ADARB2: variants seen among roughly 807,000 people sequenced by gnomAD.
ADARB2 encodes inactive double-stranded RNA-specific editase B2.
Under a neutral mutation model 62.2 loss-of-function variants are expected in ADARB2, and 25 were observed. The observed-to-expected ratio is 0.40, with a 90% confidence interval of 0.29 to 0.56. The LOEUF (loss-of-function observed/expected upper bound fraction) is 0.56, where lower values mean the gene tolerates loss of function less well. ADARB2 is among the 20% of genes least tolerant of loss of function. The pLI, the probability that ADARB2 is intolerant of heterozygous loss-of-function variation, is 0.43. For synonymous variants in ADARB2, 572 were observed against 500.8 expected (o/e 1.14, Z -1.90); for missense variants, 1,071 against 1,077.4 (o/e 0.99, Z 0.08).
In ADARB2 at chr10:1,328,996, TAAA is replaced by T. The variant is rs376461606; in HGVS notation, c.1077+34029_1077+34031del. 8.9e-4 allele frequency among the ~76,000 whole-genome samples: 67 copies of T among 75,670 alleles called. 1 individual carries two copies. The highest frequency in any genetic ancestry group is 3.5e-3 in the African/African-American group (60 of 17,108). The allele number at this position is 75,670 out of a possible 152,430, so 49.6% of individuals were successfully genotyped here. A position where few individuals can be genotyped will look rare whatever the true frequency, so the allele number is the denominator to read the frequency against. ...GGGGTGACAGAACAAGACCCTGTCTTAAAAAAAAAAAAAAAAAAAAAAAAAGCA... is the reference window on the plus strand; with the variant it reads ...GGGGTGACAGAACAAGACCCTGTCTTAAAAAAAAAAAAAAAAAAAAAAGCA... On this transcript the variant is annotated intron_variant, in intron 3 of 9. Coordinates refer to ENST00000381312, the MANE Select transcript of ADARB2 (RefSeq NM_018702.4).
intron 1 of ADARB2, among the ~76,000 whole-genome samples, chr10:1,509,119 G>A (rs1272437067): frequency 6.6e-6 from 1 of 152,240 alleles, no homozygotes; most frequent in African/African-American, 2.4e-5. Context: ...CTTTCACTGC[G>A]TGCCATGCCC....
intron 1 of ADARB2, among the ~76,000 whole-genome samples, chr10:1,632,819 G>T (rs1252546338): frequency 2.6e-5 from 4 of 152,224 alleles, no homozygotes; most frequent in Admixed American, 6.5e-5. Flanking sequence ...CTCATCTTAT[G>T]TGGCAACTTG....
chr10:1,639,798 T>C (rs1462062795), intron 1 of ADARB2, among the ~76,000 whole-genome samples: 4 of 152,120 alleles, frequency 2.6e-5, no homozygotes, highest in East Asian at 1.9e-4. Flanking sequence ...GCGGAGATCA[T>C]GCCACTGCAC....
intron 1 of ADARB2, among the ~76,000 whole-genome samples, chr10:1,488,161 G>C (rs1018246742): frequency 2.7e-5 from 4 of 150,524 alleles, no homozygotes; most frequent in Non-Finnish European, 5.9e-5. Flanking sequence ...TTATAAGCTA[G>C]TGTAGACTTT....
Position 1,509,960 on chromosome 10 carries a change from C to T in ADARB2, c.101-130800G>A, listed in dbSNP as rs566450976. Among the ~76,000 whole-genome samples the T allele has an allele frequency of 6.2e-4, 94 of 152,238 alleles. 1 individual carries two copies. The South Asian group carries it at 0.017, about 27-fold the overall frequency. On this transcript the variant is annotated intron_variant, in intron 1 of 9. Transcript: ENST00000381312. The stretch of plus-strand genomic sequence containing the variant: ...GCTTGCATTGCTTCTGAGGTTCTGA[C>T]GTCTTAAAATCCCATTTGCTTCCCT...
intron 4 of ADARB2, among the ~76,000 whole-genome samples, chr10:1,261,391 C>T (rs12258082): frequency 0.039 from 5,665 of 143,818 alleles, 592 homozygotes; most frequent in African/African-American, 0.15. Context: ...AGAAAATTTT[C>T]GCAACCTACT....
intron 3 of ADARB2, among the ~76,000 whole-genome samples, chr10:1,317,999 T>C (rs1831756232): frequency 6.6e-6 from 1 of 152,178 alleles, no homozygotes; most frequent in Admixed American, 6.5e-5. Context: ...CCCTGATCTA[T>C]AAAAACACTA....
At chr10:1,396,167 T>C (rs941079181) in intron 1 of ADARB2, among the ~76,000 whole-genome samples, 25 of 152,174 alleles carry the variant, frequency 1.6e-4, no homozygotes, top group Non-Finnish European at 2.6e-4. Flanking sequence ...AATCTAATTA[T>C]TTCCTCAGCA....
intron 1 of ADARB2, among the ~76,000 whole-genome samples, chr10:1,594,925 G>A (rs1192155650): frequency 6.6e-6 from 1 of 152,152 alleles, no homozygotes; most frequent in Non-Finnish European, 1.5e-5. Context: ...CCAGCACACA[G>A]CCGCTGAGCG....
chr10:1,518,033 G>C (rs1387145484), intron 1 of ADARB2, among the ~76,000 whole-genome samples: 1 of 152,162 alleles, frequency 6.6e-6, no homozygotes, highest in Admixed American at 6.5e-5. Context: ...CCTTCTTAGT[G>C]GGGAGGTAAA....
At chr10:1,571,969 AGGTGAGTGTGCT>A (rs558816181) in intron 1 of ADARB2, among the ~76,000 whole-genome samples, 244 of 145,014 alleles carry the variant, frequency 1.7e-3, no homozygotes, top group Non-Finnish European at 2.6e-3. Flanking sequence ...GTGAGTGTGC[AGGTGAGTGTGCT>A]GGTGAGTGTG....
chr10:1,565,964 T>C (rs2813371), intron 1 of ADARB2, among the ~76,000 whole-genome samples: 144,795 of 151,728 alleles, frequency 0.95, 69,376 homozygotes, highest in Non-Finnish European at 1. Flanking sequence ...AAGCCAGGAT[T>C]GCAGAGCCCT....
At chr10:1,530,592 C>T (rs192752058) in intron 1 of ADARB2, among the ~76,000 whole-genome samples, 189 of 152,288 alleles carry the variant, frequency 1.2e-3, no homozygotes, top group Admixed American at 4.2e-3. Context: ...TCATCAGCCT[C>T]GTCCGCCCCT....
chr10:1,384,943 C>A (rs1196528563), intron 1 of ADARB2, among the ~76,000 whole-genome samples: 2 of 152,138 alleles, frequency 1.3e-5, no homozygotes, highest in Admixed American at 6.5e-5. Context: ...GCATTCTGAT[C>A]AGGCGGAGTC....
intron 1 of ADARB2, among the ~76,000 whole-genome samples, chr10:1,616,857 G>A (rs1833641969): frequency 6.8e-6 from 1 of 147,164 alleles, no homozygotes; most frequent in Non-Finnish European, 1.5e-5. Context: ...CCGCCCTGCT[G>A]TGCTCTGCAT....
At chr10:1,207,815 A>G (rs1375454904) in intron 7 of ADARB2, among the ~76,000 whole-genome samples, 1 of 152,200 alleles carries the variant, frequency 6.6e-6, no homozygotes, top group African/African-American at 2.4e-5. Context: ...GTTCCAGGAG[A>G]TTTAGATTTT....
chr10:1,305,871 C>G (rs1359869834), intron 3 of ADARB2, among the ~76,000 whole-genome samples: 1 of 151,318 alleles, frequency 6.6e-6, no homozygotes, highest in Non-Finnish European at 1.5e-5. Context: ...GCTAAAAACT[C>G]TCAATAAATT....
At chr10:1,508,964 C>T (rs1831886193) in intron 1 of ADARB2, among the ~76,000 whole-genome samples, 3 of 152,174 alleles carry the variant, frequency 2.0e-5, no homozygotes, top group Admixed American at 1.3e-4. Flanking sequence ...CCAGCGGTCC[C>T]TGGGCCTCAG....
chr10:1,382,435 G>A (rs1479512397), intron 1 of ADARB2, among the ~76,000 whole-genome samples: 1 of 152,202 alleles, frequency 6.6e-6, no homozygotes, highest in Non-Finnish European at 1.5e-5. Flanking sequence ...TTCCAAGAAA[G>A]GGCAGACCGC....
Sources: gnomAD v4.1 joint callset for allele counts (sites outside exome capture counted in the v4.1 genomes callset) on GRCh38, gnomAD v4.1.1 for gene constraint, MANE v1.5 for transcripts, NCBI Gene and HGNC (gene_info 2026-07-23, HGNC 2026-07-21) for gene names.